PCSK5: variants seen among roughly 807,000 people sequenced by gnomAD.
PCSK5 encodes proprotein convertase subtilisin/kexin type 5.
PCSK5 carries 129 observed loss-of-function variants against 233.2 expected under a neutral mutation model. The observed-to-expected ratio is 0.55, with a 90% CI of 0.48 to 0.64. PCSK5 has a LOEUF of 0.64. PCSK5 is among the 30% of genes least tolerant of loss of function. The pLI, the probability that PCSK5 is intolerant of heterozygous loss-of-function variation, is 0.00. For synonymous variants in PCSK5, 825 were observed against 879.2 expected, an observed-to-expected ratio of 0.94 and a Z score of 1.09; for missense variants, 2,076 against 2,430.1, an observed-to-expected ratio of 0.85 and a Z score of 3.06.
chr9:76,039,132 CAGATACTGTTTTT>C (rs1437067770), intron 5 of PCSK5, among the ~76,000 whole-genome samples: 1 of 152,144 alleles, frequency 6.6e-6, no homozygotes, highest in Non-Finnish European at 1.5e-5. Context: ...TTCATGTTTT[CAGATACTGTTTTT>C]ACATCAGTTC....
At chr9:76,240,531 C>A in intron 23 of PCSK5, 85 bp from the exon 24 acceptor site, 2 of 923,750 alleles carry the variant, frequency 2.2e-6, no homozygotes, top group Non-Finnish European at 3.5e-6. Context: ...TTAAAATAAG[C>A]TACACACGAA....
rs1587792731 is a variant in PCSK5 at position 76,238,947 on chromosome 9, G to A, written c.2867-12G>A. On this transcript the variant is annotated splice_polypyrimidine_tract_variant and intron_variant, in intron 22 of 37. Transcript: ENST00000674117. ...CATTTTCCCTCTTTTCGTTGCCCCT[G>A]TAACTGATCAGACAACTATGGCCGA... is the stretch of plus-strand genomic sequence containing the variant. 2 of 1,604,008 alleles carry A rather than the reference G, an allele frequency of 1.2e-6. No homozygotes were observed. The highest frequency in any genetic ancestry group is 8.5e-7 in the Non-Finnish European group (1 of 1,172,660).
intron 24 of PCSK5, among the ~76,000 whole-genome samples, chr9:76,249,465 T>C (rs767786980): frequency 2.2e-4 from 34 of 152,160 alleles, no homozygotes; most frequent in Admixed American, 1.0e-3. Context: ...AATGCAGAAG[T>C]ATTTTTATTT....
At chr9:76,187,501 G>A (rs1168616049) in intron 17 of PCSK5, among the ~76,000 whole-genome samples, 1 of 151,938 alleles carries the variant, frequency 6.6e-6, no homozygotes, top group Non-Finnish European at 1.5e-5. Flanking sequence ...AGCTGGGACT[G>A]CAGGCAGGCA....
At chr9:76,300,805 A>C (rs984265644) in intron 27 of PCSK5, among the ~76,000 whole-genome samples, 46 of 152,256 alleles carry the variant, frequency 3.0e-4, no homozygotes, top group African/African-American at 1.0e-3. Flanking sequence ...AAAACATGAA[A>C]CTGCCTCACA....
At chr9:75,996,708 CAT>C (rs77248657) in intron 3 of PCSK5, among the ~76,000 whole-genome samples, 4,823 of 152,224 alleles carry the variant, frequency 0.032, 164 homozygotes, top group East Asian at 0.17. Context: ...CAACTTATTT[CAT>C]ACAGGTAATT....
intron 30 of PCSK5, 86 bp downstream of exon 30, chr9:76,310,937 ACT>A (rs1564172185): frequency 1.4e-5 from 13 of 899,838 alleles, no homozygotes; most frequent in South Asian, 5.6e-5. Flanking sequence ...TCACCAAAAA[ACT>A]CTTCTCTGCT....
intron 5 of PCSK5, among the ~76,000 whole-genome samples, chr9:76,065,049 A>G (rs1439245753): frequency 6.6e-6 from 1 of 152,212 alleles, no homozygotes; most frequent in Non-Finnish European, 1.5e-5. Flanking sequence ...TTTCTTATTC[A>G]TTCATCTGTT....
intron 1 of PCSK5, among the ~76,000 whole-genome samples, chr9:75,908,921 A>ATCTATCTATCTC (rs1554704500): frequency 8.8e-6 from 1 of 113,336 alleles, no homozygotes; most frequent in African/African-American, 3.2e-5. Flanking sequence ...CTATCTATCT[A>ATCTATCTATCTC]TCTCTCTATC....
chr9:75,933,349 C>T lies in PCSK5; in HGVS notation c.297+866C>T, dbSNP rs370670259. Among the ~76,000 whole-genome samples the T allele has an allele frequency of 3.9e-5, 6 of 152,280 alleles. No homozygotes were observed. The East Asian group carries it at 5.8e-4, about 15-fold the overall frequency. On this transcript the variant is annotated intron_variant, in intron 2 of 37. Transcript: ENST00000674117. ...TCTGTACCAACTTGCCCTAGTTCCT[C>T]TGTGGGCTCCCTGTGTATTATTGAT... is the stretch of plus-strand genomic sequence containing the variant.
At chr9:76,023,149 A>G (rs1368193984) in intron 3 of PCSK5, among the ~76,000 whole-genome samples, 1 of 152,176 alleles carries the variant, frequency 6.6e-6, no homozygotes, top group Non-Finnish European at 1.5e-5. Context: ...TTAACAATAA[A>G]ATGATACATC....
intron 4 of PCSK5, among the ~76,000 whole-genome samples, 196 bp downstream of exon 4, chr9:76,024,077 C>T (rs1828316467): frequency 6.6e-6 from 1 of 152,170 alleles, no homozygotes; most frequent in Non-Finnish European, 1.5e-5. Flanking sequence ...CTTTCCAGTG[C>T]CTTTGATGTT....
At chr9:76,107,408 C>A in intron 9 of PCSK5, 57 bp downstream of exon 9, 4 of 1,114,504 alleles carry the variant, frequency 3.6e-6, no homozygotes, top group Non-Finnish European at 5.4e-6. Flanking sequence ...TCAGGGAAAA[C>A]GTACCCCTTC....
intron 4 of PCSK5, 25 bp from the exon 5 acceptor site, chr9:76,026,936 C>T: frequency 6.4e-7 from 1 of 1,558,414 alleles, no homozygotes; most frequent in Non-Finnish European, 8.8e-7. Flanking sequence ...TTTCCTTTCC[C>T]TTGCTCTCTC....
intron 9 of PCSK5, among the ~76,000 whole-genome samples, chr9:76,118,986 AC>A (rs1398400984): frequency 6.6e-6 from 1 of 151,912 alleles, no homozygotes; most frequent in Admixed American, 6.6e-5. Context: ...TTTTAAACCA[AC>A]CTTTTTTTTA....
chr9:76,118,128 G>A (rs569003692), intron 9 of PCSK5, among the ~76,000 whole-genome samples: 8 of 152,026 alleles, frequency 5.3e-5, no homozygotes, highest in South Asian at 4.2e-4. Context: ...AAGCATTTGG[G>A]ATCCCATACC....
At position 76,193,429 on chromosome 9, in the gene PCSK5, A is replaced by G. The variant is rs1336836623; in HGVS notation, c.2626+3683A>G. The G allele has an allele frequency of 1.4e-5, 6 of 424,800 alleles. No individual in the cohort carries two copies. In the South Asian group the frequency reaches 2.8e-4, roughly 20 times the overall value. The allele number at this position is 424,800 out of a possible 1,614,324, so 26.3% of individuals were successfully genotyped here. A position where few individuals can be genotyped will look rare whatever the true frequency, so the allele number is the denominator to read the frequency against. The stretch of plus-strand genomic sequence containing the variant: ...TATTAAAAAGAAAAAAGCCAAAAAG[A>G]AAAAAAAAAAAAGCAAGCCACCTCT... On this transcript the variant is annotated intron_variant, in intron 20 of 37. Transcript: ENST00000674117.
At position 76,158,970 on chromosome 9, in the gene PCSK5, C is replaced by T; in HGVS notation, c.1431-13C>T. ...TGTCATTTGCTCAAACTCTCCATCT[C>T]TCTCTGTTACAGGACAATCCGCCCT... is the stretch of plus-strand genomic sequence containing the variant. On this transcript the variant is annotated splice_polypyrimidine_tract_variant and intron_variant, in intron 11 of 37. Coordinates refer to ENST00000674117, the MANE Select transcript of PCSK5 (RefSeq NM_001372043.1). 1 of 1,608,368 alleles carries T rather than the reference C, an allele frequency of 6.2e-7. No homozygotes were observed. The highest frequency in any genetic ancestry group is 1.1e-5 in the South Asian group (1 of 90,810).
At position 76,180,398 on chromosome 9, in the gene PCSK5, T is replaced by C. The variant is rs73458381; in HGVS notation, c.2003+700T>C. Among the ~76,000 whole-genome samples, 316 of 152,234 alleles carry C rather than the reference T, an allele frequency of 2.1e-3. 1 individual carries two copies. Among genetic ancestry groups the C allele is most frequent in the African/African-American group, 6.7e-3 (279 of 41,540 alleles). ...GCCAATGCACAGGCCAAACTGATGC[T>C]TTTCCACATTTTCCAGCACATAGGC... On this transcript the variant is annotated intron_variant, in intron 15 of 37. Transcript: ENST00000674117.
Sources: allele counts gnomAD v4.1 joint callset (sites outside exome capture counted in the v4.1 genomes callset), GRCh38; gene constraint gnomAD v4.1.1; transcripts MANE v1.5; gene names NCBI Gene and HGNC (gene_info 2026-07-23, HGNC 2026-07-21).